The following NXPE4 variants were observed in gnomAD, a reference collection of about 807,000 sequenced individuals.
NXPE4 encodes NXPE family member 4.
NXPE4 carries 42 observed loss-of-function variants against 33.3 expected under a neutral mutation model. The ratio of observed to expected loss-of-function variants is 1.26; its 90% CI spans 0.98 to 1.63. The LOEUF is 1.63. NXPE4 is among the 40% of genes most tolerant of loss of function. The pLI is 0.00. For missense variants in NXPE4, 709 were observed against 647.6 expected, an observed-to-expected ratio of 1.09 and a Z score of -1.03; for synonymous variants, 253 against 234.9, an observed-to-expected ratio of 1.08 and a Z score of -0.71.
At chr11:114,623,006 TAA>T in the NXPE4 span, among the ~76,000 whole-genome samples, 271 of 152,176 alleles carry the variant, frequency 1.8e-3, 2 homozygotes, top group Middle Eastern at 0.01. Flanking sequence ...TGGTGGATAA[TAA>T]GTGTTGCCTT....
chr11:114,620,655 C>T, the NXPE4 span, among the ~76,000 whole-genome samples: 1 of 151,352 alleles, frequency 6.6e-6, no homozygotes, highest in East Asian at 2.0e-4. Context: ...GTGGATTACC[C>T]AGTGGAGAAT....
chr11:114,625,618 C>T, the NXPE4 span, among the ~76,000 whole-genome samples: 4 of 152,156 alleles, frequency 2.6e-5, no homozygotes, highest in South Asian at 2.1e-4. Flanking sequence ...AATATTGCCT[C>T]GTGGGTAACT....
the NXPE4 span, among the ~76,000 whole-genome samples, chr11:114,625,286 C>T: frequency 5.4e-4 from 81 of 150,186 alleles, no homozygotes; most frequent in Middle Eastern, 3.6e-3. Flanking sequence ...TTGCCTCATG[C>T]GTAACCACAG....
At chr11:114,604,884 G>A in the NXPE4 span, among the ~76,000 whole-genome samples, 6 of 151,876 alleles carry the variant, frequency 4.0e-5, no homozygotes, top group Admixed American at 3.9e-4. Context: ...GTTGCCTCAC[G>A]GGTAACCACT....
intron 2 of NXPE4, among the ~76,000 whole-genome samples, chr11:114,587,993 G>T (rs1464708996): frequency 6.6e-6 from 1 of 152,168 alleles, no homozygotes; most frequent in African/African-American, 2.4e-5. Flanking sequence ...ATGGTCAGAG[G>T]TCTCTTAGGT....
chr11:114,605,894 A>G, the NXPE4 span, among the ~76,000 whole-genome samples: 8 of 136,248 alleles, frequency 5.9e-5, 1 homozygote, highest in African/African-American at 2.2e-4. Context: ...TGCATAACCA[A>G]TGTTACCCGG....
At chr11:114,615,582 G>C in the NXPE4 span, among the ~76,000 whole-genome samples, 1 of 150,778 alleles carries the variant, frequency 6.6e-6, no homozygotes, top group Non-Finnish European at 1.5e-5. Context: ...CCTTTACCTG[G>C]TGAATAATAT....
the NXPE4 span, among the ~76,000 whole-genome samples, chr11:114,617,695 C>G: frequency 4.6e-5 from 7 of 152,252 alleles, no homozygotes; most frequent in East Asian, 1.4e-3. Context: ...AAAGTACTGC[C>G]TCGTGGGTAA....
At chr11:114,637,299 TG>T in the NXPE4 span, among the ~76,000 whole-genome samples, 2 of 151,784 alleles carry the variant, frequency 1.3e-5, no homozygotes, top group Non-Finnish European at 2.9e-5. Flanking sequence ...TGCATTTTTT[TG>T]TTTTCCATTT....
In NXPE4 at chr11:114,582,753, T is replaced by G; in HGVS notation, c.365A>C (p.Glu122Ala). 6.2e-7 allele frequency: 1 copy of G among 1,614,080 alleles called. No individual in the cohort carries two copies. The highest frequency in any genetic ancestry group is 1.1e-5 in the South Asian group (1 of 91,068). ...CCTGCGTCCCAAGTGGTCCCTCACC[T>G]CCAGCAGGATGTGCAGCTGGTCTCC... The part of the protein sequence containing the change: ...CRGDQLHILL[E>A]VRDHLGRRKQ... Residue 122 changes from glutamate (E) to alanine (A), a missense_variant, in exon 3 of 6, where the codon GAG becomes GCG. Glu to Ala is a moderately radical substitution (Grantham distance 107). Coordinates refer to ENST00000375478, the MANE Select transcript of NXPE4 (RefSeq NM_001077639.2).
In NXPE4 at chr11:114,570,982, C is replaced by A. The variant is rs1948870631; in HGVS notation, c.1591G>T (p.Val531Leu). The A allele has an allele frequency of 6.2e-7, 1 of 1,610,298 alleles. No homozygotes were observed. The highest frequency in any genetic ancestry group is 8.5e-7 in the Non-Finnish European group (1 of 1,177,128). Residue 531 changes from valine to leucine, a missense_variant, in exon 6 of 6, where the codon GTA (valine) becomes TTA (leucine). Coordinates refer to ENST00000375478, the MANE Select transcript of NXPE4 (RefSeq NM_001077639.2). ...AATATATTAATCTGATTTCCGACTA[C>A]ATGTTGAGGTGGGTGTACATTATTT... ...GTNNVHPPQH[V>L]VGNQINILLN... is the part of the protein sequence containing the mutation.
the NXPE4 span, among the ~76,000 whole-genome samples, chr11:114,631,188 G>A: frequency 5.5e-3 from 830 of 151,950 alleles, 9 homozygotes; most frequent in Non-Finnish European, 9.0e-3. Context: ...TACCCAAAGG[G>A]CTATAAATCA....
chr11:114,598,674 C>A (rs148009848), upstream of NXPE4, among the ~76,000 whole-genome samples: 1 of 151,844 alleles, frequency 6.6e-6, no homozygotes, highest in South Asian at 2.1e-4. Context: ...CCTCTTTGAG[C>A]CATGGCTGGA....
intron 2 of NXPE4, 78 bp downstream of exon 2, chr11:114,594,586 G>T: frequency 2.2e-6 from 2 of 900,902 alleles, no homozygotes; most frequent in Non-Finnish European, 3.6e-6. Flanking sequence ...AAGTCTTGTA[G>T]TTTAGCCTTT....
rs1949168987 is a variant in NXPE4, at chr11:114,582,430, A to T, written c.688T>A (p.Cys230Ser). The change falls in exon 3 of 6, where the codon TGC (cysteine) becomes AGC (serine). Residue 230 changes from cysteine (C) to serine (S), a missense_variant. Transcript: ENST00000375478. ...TGGTCTCTGTTGTCCAGGTACTGGCACAATTCAGCATTTGTGTTTAGGATC... is the reference window on the plus strand; with the variant it reads ...TGGTCTCTGTTGTCCAGGTACTGGCTCAATTCAGCATTTGTGTTTAGGATC... Reference protein sequence around the residue: ...GLILNTNAELCQYLDNRDQEG... With the variant: ...GLILNTNAELSQYLDNRDQEG... 6.2e-7 allele frequency: 1 copy of T among 1,614,204 alleles called. No individual in the cohort carries two copies. The highest frequency in any genetic ancestry group is 8.5e-7 in the Non-Finnish European group (1 of 1,180,006).
the NXPE4 span, among the ~76,000 whole-genome samples, chr11:114,635,103 A>G: frequency 6.6e-6 from 1 of 151,502 alleles, no homozygotes; most frequent in Non-Finnish European, 1.5e-5. Flanking sequence ...TGAGCATGGA[A>G]TGTTCTTCCA....
At chr11:114,603,211 C>T in the NXPE4 span, among the ~76,000 whole-genome samples, 2 of 142,640 alleles carry the variant, frequency 1.4e-5, no homozygotes, top group Non-Finnish European at 1.5e-5. Context: ...CTAGGTAACT[C>T]CTATTACCTG....
At position 114,594,533 on chromosome 11, in the gene NXPE4, T is replaced by C. The variant is rs1205739298; in HGVS notation, c.96+131A>G. On this transcript the variant is annotated intron_variant, in intron 2 of 5. Transcript: ENST00000375478. ...TATTGCTTAATGATTATCAGGTATGTTGTTTGGTATCTAGCTATTCAAACT... is the reference window on the plus strand; with the variant it reads ...TATTGCTTAATGATTATCAGGTATGCTGTTTGGTATCTAGCTATTCAAACT... 1.7e-5 allele frequency: 11 copies of C among 657,178 alleles called. 1 individual carries two copies. In the Admixed American group the frequency reaches 3.3e-4, roughly 20 times the overall value. 40.7% of individuals were successfully genotyped at this position (657,178 alleles called of 1,614,324 possible).
At chr11:114,583,369 T>C in intron 2 of NXPE4, 1 of 623,444 alleles carries the variant, frequency 1.6e-6, no homozygotes, top group South Asian at 1.5e-5. Context: ...GCGTGACTCA[T>C]AATTTGCTGC....
Sources: gnomAD v4.1 joint callset for allele counts (sites outside exome capture counted in the v4.1 genomes callset) on GRCh38, gnomAD v4.1.1 for gene constraint, MANE v1.5 for transcripts, NCBI Gene and HGNC (gene_info 2026-07-23, HGNC 2026-07-21) for gene names.